Variants in KIZ observed in about 807,000 individuals in gnomAD.
KIZ encodes centrosomal protein kizuna.
Under a neutral mutation model 79.6 loss-of-function variants are expected in KIZ, and 68 were observed. The ratio of observed to expected loss-of-function variants is 0.85; its 90% confidence interval spans 0.70 to 1.05. KIZ has a LOEUF of 1.05. Among genes scored for constraint, KIZ ranks in the 50% least tolerant of loss-of-function variants. KIZ has a pLI of 0.00. For missense variants in KIZ, 797 were observed against 800.4 expected, an observed-to-expected ratio of 1.00 and a Z score of 0.05; for synonymous variants, 280 against 281.8, an observed-to-expected ratio of 0.99 and a Z score of 0.06.
At chr20:21,131,973 T>C in intron 1 of KIZ, 124 bp from the exon 2 acceptor site, 2 of 595,432 alleles carry the variant, frequency 3.4e-6, no homozygotes, top group Non-Finnish European at 6.0e-6. Context: ...ATTTGGTATT[T>C]GGGCTTTTTT....
intron 5 of KIZ, 104 bp downstream of exon 5, chr20:21,162,611 T>C (rs2033731092): frequency 1.0e-6 from 1 of 952,484 alleles, no homozygotes; most frequent in Non-Finnish European, 1.5e-6. Flanking sequence ...ATAGTATCTT[T>C]GCCAACAAAT....
At chr20:21,136,683 T>G in intron 3 of KIZ, 131 bp downstream of exon 3, 1 of 594,074 alleles carries the variant, frequency 1.7e-6, no homozygotes, top group Non-Finnish European at 2.9e-6. Flanking sequence ...TCCTCCTGTC[T>G]TAGCCTCCTG....
intron 9 of KIZ, among the ~76,000 whole-genome samples, chr20:21,223,052 G>A (rs991130377): frequency 2.6e-5 from 4 of 152,182 alleles, no homozygotes; most frequent in Non-Finnish European, 5.9e-5. Context: ...GTAAAGATAA[G>A]ATTGCCATTT....
At chr20:21,161,476 C>T (rs952660401) in intron 4 of KIZ, among the ~76,000 whole-genome samples, 2 of 95,562 alleles carry the variant, frequency 2.1e-5, no homozygotes, top group African/African-American at 2.8e-5. Context: ...GGATCACAGG[C>T]ACCTGCCACC....
chr20:21,212,246 G>C (rs547551587), intron 7 of KIZ, among the ~76,000 whole-genome samples: 1 of 152,264 alleles, frequency 6.6e-6, no homozygotes, highest in South Asian at 2.1e-4. Flanking sequence ...TATCAAAAAA[G>C]TAACAGAAAT....
intron 6 of KIZ, among the ~76,000 whole-genome samples, chr20:21,203,940 C>G (rs1568973101): frequency 6.6e-6 from 1 of 151,638 alleles, no homozygotes; most frequent in South Asian, 2.1e-4. Flanking sequence ...CATTAAACAA[C>G]TCTCCATTTT....
intron 3 of KIZ, among the ~76,000 whole-genome samples, chr20:21,143,425 A>G (rs1162368264): frequency 6.6e-6 from 1 of 152,240 alleles, no homozygotes; most frequent in Non-Finnish European, 1.5e-5. Flanking sequence ...TGCAGAAAGT[A>G]TCATAATGGA....
At chr20:21,205,695 G>A (rs1248525852) in intron 7 of KIZ, 111 bp downstream of exon 7, 24 of 549,164 alleles carry the variant, frequency 4.4e-5, no homozygotes, top group Non-Finnish European at 6.3e-6. Flanking sequence ...AGGCGCCGTG[G>A]CTCACGCCTG....
chr20:21,159,325 C>T lies in KIZ; in HGVS notation c.406-2546C>T, dbSNP rs183156228. ...TCAGATTAGCTGCATAACTTAATTT[C>T]TTTTCTAAGGATTTTTTATTCATTT... On this transcript the variant is annotated intron_variant, in intron 4 of 12. Transcript: ENST00000619189. 3.4e-3 allele frequency among the ~76,000 whole-genome samples: 514 copies of T among 152,172 alleles called. 2 individuals carry two copies. The highest frequency in any genetic ancestry group is 5.7e-3 in the Admixed American group (87 of 15,276).
At position 21,200,902 on chromosome 20, in the gene KIZ, G is replaced by C. The variant is rs114065268; in HGVS notation, c.1353-4589G>C. 9.8e-3 allele frequency among the ~76,000 whole-genome samples: 1,495 copies of C among 152,238 alleles called. 29 individuals are homozygous for C. The highest frequency in any genetic ancestry group is 0.034 in the African/African-American group (1,426 of 41,538). On this transcript the variant is annotated intron_variant, in intron 6 of 12. Transcript: ENST00000619189. Reference sequence around the variant, plus strand: ...ATATCAAGGATTAAGACCTTCATATGGGCCAGGTGGCTAACGCCTGTAATA... The same window carrying C: ...ATATCAAGGATTAAGACCTTCATATCGGCCAGGTGGCTAACGCCTGTAATA...
At chr20:21,164,857 TCA>T (rs2033856831) in intron 6 of KIZ, among the ~76,000 whole-genome samples, 4 of 152,156 alleles carry the variant, frequency 2.6e-5, no homozygotes, top group Admixed American at 2.6e-4. Context: ...AATGAAAATG[TCA>T]GTCAGCAGTG....
chr20:21,131,987 C>A, intron 1 of KIZ, 110 bp from the exon 2 acceptor site: 1 of 602,324 alleles, frequency 1.7e-6, no homozygotes, highest in Non-Finnish European at 3.0e-6. Flanking sequence ...CTTTTTTTGA[C>A]CTCTAATCAA....
At chr20:21,158,071 T>C (rs1226848350) in intron 4 of KIZ, among the ~76,000 whole-genome samples, 3 of 152,240 alleles carry the variant, frequency 2.0e-5, no homozygotes, top group African/African-American at 7.2e-5. Context: ...AACTAGTTTT[T>C]TTATAACAGG....
At chr20:21,184,446 G>A (rs376103816) in intron 6 of KIZ, among the ~76,000 whole-genome samples, 3 of 152,114 alleles carry the variant, frequency 2.0e-5, no homozygotes, top group East Asian at 1.9e-4. Context: ...CACCACGCCC[G>A]GTCCCCTGAC....
chr20:21,156,591 T>A (rs1339936792), intron 4 of KIZ, among the ~76,000 whole-genome samples: 1 of 152,184 alleles, frequency 6.6e-6, no homozygotes, highest in Non-Finnish European at 1.5e-5. Flanking sequence ...ATGACTTTGT[T>A]ACTGGCTTAT....
intron 6 of KIZ, among the ~76,000 whole-genome samples, chr20:21,187,905 A>G (rs919956997): frequency 1.3e-5 from 2 of 152,230 alleles, no homozygotes; most frequent in Non-Finnish European, 2.9e-5. Flanking sequence ...TGGGGAAGGC[A>G]TAAAGTTGTA....
chr20:21,172,589 ACT>A (rs2034258543), intron 6 of KIZ, among the ~76,000 whole-genome samples: 1 of 150,824 alleles, frequency 6.6e-6, no homozygotes, highest in African/African-American at 2.4e-5. Context: ...ACAAAGAGAG[ACT>A]CTGTCTCAAA....
intron 10 of KIZ, among the ~76,000 whole-genome samples, chr20:21,230,984 C>T (rs1344558812): frequency 6.6e-6 from 1 of 152,198 alleles, no homozygotes; most frequent in Admixed American, 6.5e-5. Flanking sequence ...AGTGACTCCA[C>T]ACGTCTGTTT....
chr20:21,238,958 C>A (rs938825561), intron 11 of KIZ, among the ~76,000 whole-genome samples: 132 of 152,338 alleles, frequency 8.7e-4, no homozygotes, highest in African/African-American at 3.1e-3. Context: ...CCTCCCATTC[C>A]TTGACCCCTG....
Sources: allele counts gnomAD v4.1 joint callset (sites outside exome capture counted in the v4.1 genomes callset), GRCh38; gene constraint gnomAD v4.1.1; transcripts MANE v1.5; gene names NCBI Gene and HGNC (gene_info 2026-07-23, HGNC 2026-07-21).